TFRC: variants seen among roughly 807,000 people sequenced by gnomAD.
The protein encoded by TFRC is transferrin receptor, also known as transferrin receptor protein 1.
TFRC carries 35 observed loss-of-function variants against 85.8 expected under a neutral mutation model. The observed-to-expected ratio is 0.41, with a 90% CI of 0.31 to 0.54. The LOEUF is 0.54. TFRC is among the 20% of genes least tolerant of loss of function. The pLI is 0.31. For missense variants in TFRC, 828 were observed against 921.5 expected (o/e 0.90, Z 1.31); for synonymous variants, 362 against 328.6 (o/e 1.10, Z -1.10).
rs1193739123 is a variant in TFRC at position 196,074,047 on chromosome 3, G to C, written c.317C>G (p.Ser106Cys). The change falls in exon 4 of 19, where the codon TCT (serine) becomes TGT (cysteine). Residue 106 changes from serine to cysteine, a missense_variant. Ser to Cys is a moderately radical substitution (Grantham distance 112). Transcript: ENST00000360110. ...TECERLAGTE[S>C]PVREEPGEDF... ...CTCTCCTGGCTCCTCCCTCACTGGA[G>C]ACTCGGTTCCTGCCAGTCTCTCACA... 1 of 1,613,992 alleles carries C rather than the reference G, an allele frequency of 6.2e-7. No homozygotes were observed. The highest frequency in any genetic ancestry group is 1.3e-5 in the African/African-American group (1 of 74,896).
At chr3:196,081,571 A>C (rs1445363250) in intron 1 of TFRC, among the ~76,000 whole-genome samples, 1 of 152,054 alleles carries the variant, frequency 6.6e-6, no homozygotes, top group East Asian at 1.9e-4. Context: ...CCGGCGCCGC[A>C]CGCCGCGCAG....
chr3:196,056,709 T>C (rs567418943), intron 16 of TFRC, among the ~76,000 whole-genome samples: 1 of 152,314 alleles, frequency 6.6e-6, no homozygotes, highest in African/African-American at 2.4e-5. Flanking sequence ...CCAAGCCTCA[T>C]TATTAAAACT....
chr3:196,068,198 C>A, intron 7 of TFRC, 68 bp from the exon 8 acceptor site: 1 of 1,200,718 alleles, frequency 8.3e-7, no homozygotes, highest in Non-Finnish European at 1.2e-6. Context: ...ACATCCTGGA[C>A]ATTATGCTAA....
intron 17 of TFRC, 59 bp from the exon 18 acceptor site, chr3:196,053,617 CCTTT>C (rs1249500411): frequency 3.8e-6 from 6 of 1,595,220 alleles, no homozygotes; most frequent in Non-Finnish European, 5.1e-6. Context: ...CTTTTGTATG[CCTTT>C]CTAATTTAAC....
intron 1 of TFRC, among the ~76,000 whole-genome samples, chr3:196,077,377 T>C (rs1359342978): frequency 6.6e-6 from 1 of 151,296 alleles, no homozygotes; most frequent in Non-Finnish European, 1.5e-5. Flanking sequence ...CTTGAACTCC[T>C]GGCCTCAAAC....
chr3:196,072,382 G>C (rs892608091), intron 4 of TFRC, among the ~76,000 whole-genome samples: 12 of 152,114 alleles, frequency 7.9e-5, no homozygotes, highest in African/African-American at 2.9e-4. Context: ...ACTCCTTCAA[G>C]AGCCTCATCA....
In TFRC at chr3:196,075,215, C is replaced by G; in HGVS notation, c.182G>C (p.Arg61Thr). Residue 61 changes from arginine to threonine, a missense_variant, in exon 3 of 19, where the codon AGG (arginine) becomes ACG (threonine). Physicochemically the swap from Arg to Thr is moderately conservative, Grantham distance 71. Transcript: ENST00000360110. ...CCCATAGCAGATACTTCCACTACACCTTTTTGGTTTTGTGACATTGGCCTT... is the reference window on the plus strand; with the variant it reads ...CCCATAGCAGATACTTCCACTACACGTTTTTGGTTTTGTGACATTGGCCTT... ...NTKANVTKPK[R>T]CSGSICYGTI... The G allele has an allele frequency of 6.2e-7, 1 of 1,614,100 alleles. No individual in the cohort carries two copies. Among genetic ancestry groups the G allele is most frequent in the South Asian group, 1.1e-5 (1 of 91,080 alleles).
In TFRC at chr3:196,055,158, C is replaced by A. The variant is rs1350015599; in HGVS notation, c.1821G>T (p.Leu607Phe). 1.2e-6 allele frequency: 2 copies of A among 1,614,220 alleles called. No homozygotes were observed. Among genetic ancestry groups the A allele is most frequent in the Middle Eastern group, 1.7e-4 (1 of 6,060 alleles). ...FVIKLTHDVELNLDYERYNSQ... is the reference protein window; with the variant it reads ...FVIKLTHDVEFNLDYERYNSQ... ...TGTTGTACCTCTCATAGTCCAGGTT[C>A]AATTCAACATCATGGGTTAGTTTAA... is the stretch of plus-strand genomic sequence containing the variant. Residue 607 changes from leucine to phenylalanine, a missense_variant, in exon 17 of 19, where the codon TTG (leucine) becomes TTT (phenylalanine). Transcript: ENST00000360110.
intron 16 of TFRC, among the ~76,000 whole-genome samples, chr3:196,056,964 G>A (rs913197282): frequency 1.8e-4 from 27 of 152,170 alleles, no homozygotes; most frequent in African/African-American, 6.5e-4. Flanking sequence ...TGGGGTTACA[G>A]GCACACGCCA....
chr3:196,081,817 C>T (rs1344692576), intron 1 of TFRC: 1 of 152,238 alleles, frequency 6.6e-6, no homozygotes, highest in Non-Finnish European at 1.5e-5. Context: ...CGCACAGCCG[C>T]CGACCCCGTG....
chr3:196,075,295 A>G lies in TFRC; in HGVS notation c.102T>C (p.Ser34=), dbSNP rs1251636817. The G allele has an allele frequency of 6.2e-7, 1 of 1,614,064 alleles. No homozygotes were observed. Among genetic ancestry groups the G allele is most frequent in the South Asian group, 1.1e-5 (1 of 91,086 alleles). The change falls in exon 3 of 19, where the codon AGT becomes AGC. Residue 34 remains serine (S), a synonymous_variant. Coordinates refer to ENST00000360110, the MANE Select transcript of TFRC (RefSeq NM_001128148.3). ...SLARQVDGDN[S]HVEMKLAVDE... is the part of the protein sequence containing the mutation. ...CTACAGCAAGTTTCATCTCCACATG[A>G]CTGTTATCGCCATCTACTTGCCGAG...
chr3:196,056,096 G>A (rs1038608757), intron 16 of TFRC, among the ~76,000 whole-genome samples: 1 of 152,238 alleles, frequency 6.6e-6, no homozygotes, highest in African/African-American at 2.4e-5. Context: ...GCGTGGTGAT[G>A]CAATCATGGC....
At chr3:196,066,113 T>G (rs1427579982) in intron 9 of TFRC, among the ~76,000 whole-genome samples, 1 of 112,360 alleles carries the variant, frequency 8.9e-6, no homozygotes, top group Non-Finnish European at 1.8e-5. Context: ...TTAAGCAATA[T>G]TTTAAAACAC....
At chr3:196,070,455 A>C (rs1718095881) in intron 6 of TFRC, among the ~76,000 whole-genome samples, 1 of 151,760 alleles carries the variant, frequency 6.6e-6, no homozygotes, top group South Asian at 2.1e-4. Context: ...AATAGAGTTC[A>C]CCATGTTGGC....
chr3:196,063,078 GAAAA>G (rs41297453), intron 11 of TFRC, 139 bp from the exon 12 acceptor site: 10 of 470,946 alleles, frequency 2.1e-5, no homozygotes, highest in Non-Finnish European at 3.2e-5. Flanking sequence ...AGCCAAAAAA[GAAAA>G]AAAAAACTAA....
Position 196,072,044 on chromosome 3 carries a change from G to A in TFRC, c.543C>T (p.Val181=). Residue 181 remains valine, a synonymous_variant, in exon 5 of 19, where the codon GTC becomes GTT. Transcript: ENST00000360110. ...NQFREFKLSK[V]WRDQHFVKIQ... ...TCTTAACAAAATGTTGATCACGCCA[G>A]ACTTTGCTGAGTTTAAATTCACGAA... 1.2e-6 allele frequency: 2 copies of A among 1,614,120 alleles called. No homozygotes were observed. The highest frequency in any genetic ancestry group is 1.7e-6 in the Non-Finnish European group (2 of 1,180,028).
intron 9 of TFRC, 22 bp downstream of exon 9, chr3:196,067,496 C>T: frequency 1.2e-6 from 2 of 1,610,814 alleles, no homozygotes; most frequent in Non-Finnish European, 1.7e-6. Flanking sequence ...CTATGCAAGA[C>T]CGCTTTCAAA....
chr3:196,052,735 C>A (rs1197570382), intron 18 of TFRC, among the ~76,000 whole-genome samples: 1 of 152,054 alleles, frequency 6.6e-6, no homozygotes, highest in Non-Finnish European at 1.5e-5. Context: ...GCCACTGTAC[C>A]CAGCCAGCTG....
At chr3:196,067,698 C>T in intron 8 of TFRC, 41 bp from the exon 9 acceptor site, 1 of 1,597,204 alleles carries the variant, frequency 6.3e-7, no homozygotes, top group Admixed American at 1.8e-5. Context: ...CACATACTTC[C>T]TCAAAACTTC....
Sources: gnomAD v4.1 joint callset for allele counts (sites outside exome capture counted in the v4.1 genomes callset) on GRCh38, gnomAD v4.1.1 for gene constraint, MANE v1.5 for transcripts, NCBI Gene and HGNC (gene_info 2026-07-23, HGNC 2026-07-21) for gene names.